HEMK2: variants seen among roughly 807,000 people sequenced by gnomAD.
The protein encoded by HEMK2 is methyltransferase HEMK2.
chr21:28,839,994 A>T, the HEMK2 span, among the ~76,000 whole-genome samples: 747 of 152,312 alleles, frequency 4.9e-3, 5 homozygotes, highest in African/African-American at 0.017. Context: ...TACCAAAACA[A>T]CATGGTACTG....
At chr21:28,632,146 T>G in the HEMK2 span, among the ~76,000 whole-genome samples, 1 of 151,992 alleles carries the variant, frequency 6.6e-6, no homozygotes, top group Non-Finnish European at 1.5e-5. Flanking sequence ...ATGAATTATC[T>G]CTGTACAATA....
chr21:28,621,565 A>T, the HEMK2 span, among the ~76,000 whole-genome samples: 1 of 152,324 alleles, frequency 6.6e-6, no homozygotes, highest in Non-Finnish European at 1.5e-5. Context: ...GAGTCCAAAA[A>T]AGGAGTCAGC....
chr21:28,597,272 G>A, the HEMK2 span, among the ~76,000 whole-genome samples: 2 of 152,138 alleles, frequency 1.3e-5, no homozygotes. Context: ...TAGACACAGG[G>A]AATTGCCTGA....
At chr21:28,659,342 C>T in the HEMK2 span, among the ~76,000 whole-genome samples, 1 of 152,052 alleles carries the variant, frequency 6.6e-6, no homozygotes, top group East Asian at 1.9e-4. Flanking sequence ...GCATTTTGTT[C>T]CAAATGGACA....
At chr21:28,739,221 C>A in the HEMK2 span, among the ~76,000 whole-genome samples, 1 of 152,118 alleles carries the variant, frequency 6.6e-6, no homozygotes, top group Non-Finnish European at 1.5e-5. Context: ...ATTGCTGAAC[C>A]ACAGTATTTT....
the HEMK2 span, among the ~76,000 whole-genome samples, chr21:28,833,622 G>C: frequency 0.014 from 2,126 of 152,198 alleles, 43 homozygotes; most frequent in African/African-American, 0.049. Context: ...TTCTAACTTT[G>C]TGAGGTTTTT....
chr21:28,748,686 A>G, the HEMK2 span, among the ~76,000 whole-genome samples: 1 of 152,250 alleles, frequency 6.6e-6, no homozygotes. Context: ...ATCTTCTGGG[A>G]AAACATGCAC....
the HEMK2 span, among the ~76,000 whole-genome samples, chr21:28,589,815 A>T: frequency 6.6e-6 from 1 of 152,208 alleles, no homozygotes; most frequent in South Asian, 2.1e-4. Flanking sequence ...ATGTTCCAAA[A>T]TCTAAAAATT....
the HEMK2 span, among the ~76,000 whole-genome samples, chr21:28,810,277 C>G: frequency 1.3e-5 from 2 of 152,198 alleles, no homozygotes; most frequent in African/African-American, 4.8e-5. Flanking sequence ...ACTGAAGCCA[C>G]TCTAGGTATT....
At chr21:28,680,538 C>A in the HEMK2 span, among the ~76,000 whole-genome samples, 2 of 152,286 alleles carry the variant, frequency 1.3e-5, no homozygotes, top group East Asian at 3.9e-4. Flanking sequence ...GGAATCCTCC[C>A]TAACTCATTT....
At chr21:28,859,162 C>G in the HEMK2 span, among the ~76,000 whole-genome samples, 2 of 152,210 alleles carry the variant, frequency 1.3e-5, no homozygotes, top group African/African-American at 4.8e-5. Context: ...TCAGGACATA[C>G]CTGGTGTGTA....
At chr21:28,661,235 G>A in the HEMK2 span, among the ~76,000 whole-genome samples, 33,356 of 151,738 alleles carry the variant, frequency 0.22, 4,064 homozygotes, top group East Asian at 0.38. Flanking sequence ...TAAAGTTTCT[G>A]CCATCTTCGT....
At chr21:28,866,753 A>G in the HEMK2 span, among the ~76,000 whole-genome samples, 1 of 152,204 alleles carries the variant, frequency 6.6e-6, no homozygotes, top group Non-Finnish European at 1.5e-5. Context: ...AAAAGGAAAG[A>G]AAGAAAATTG....
At chr21:28,686,987 A>C in the HEMK2 span, among the ~76,000 whole-genome samples, 3 of 152,242 alleles carry the variant, frequency 2.0e-5, no homozygotes, top group Non-Finnish European at 4.4e-5. Flanking sequence ...TAGATTCAGC[A>C]ATGGAAACCC....
At chr21:28,810,956 A>G in the HEMK2 span, among the ~76,000 whole-genome samples, 1 of 152,220 alleles carries the variant, frequency 6.6e-6, no homozygotes, top group South Asian at 2.1e-4. Flanking sequence ...AAGATGGAGA[A>G]GGAATCATGT....
chr21:28,715,588 G>A, the HEMK2 span, among the ~76,000 whole-genome samples: 1 of 152,108 alleles, frequency 6.6e-6, no homozygotes, highest in African/African-American at 2.4e-5. Context: ...CATTCTGTAG[G>A]TTGTCTGTTT....
the HEMK2 span, among the ~76,000 whole-genome samples, chr21:28,628,576 C>G: frequency 6.6e-6 from 1 of 152,196 alleles, no homozygotes. Context: ...CTCAGCCTCC[C>G]AAGCTAGCTG....
the HEMK2 span, among the ~76,000 whole-genome samples, chr21:28,803,254 T>C: frequency 1.5e-3 from 222 of 152,344 alleles, no homozygotes; most frequent in African/African-American, 5.1e-3. Context: ...CCTGAATATA[T>C]ACGGGTGCTG....
At chr21:28,841,078 TTA>T in the HEMK2 span, among the ~76,000 whole-genome samples, 2 of 39,948 alleles carry the variant, frequency 5.0e-5, no homozygotes, top group East Asian at 1.5e-3. Context: ...ATATTATATA[TTA>T]TATATTATAT....
Sources: gnomAD v4.1 joint callset for allele counts (sites outside exome capture counted in the v4.1 genomes callset) on GRCh38, gnomAD v4.1.1 for gene constraint, MANE v1.5 for transcripts, NCBI Gene and HGNC (gene_info 2026-07-23, HGNC 2026-07-21) for gene names.